SLC6A20: variants seen among roughly 807,000 people sequenced by gnomAD.
SLC6A20 encodes the protein solute carrier family 6 member 20.
Under a neutral mutation model 64.3 loss-of-function variants are expected in SLC6A20, and 73 were observed. That is an observed-to-expected ratio of 1.14 (90% CI 0.94 to 1.38). The LOEUF (loss-of-function observed/expected upper bound fraction) is 1.38. SLC6A20 is among the 40% of genes most tolerant of loss of function. The probability of loss-of-function intolerance (pLI) is 0.00; values close to 1 mark genes in which losing one functional copy is unlikely to be tolerated. For synonymous variants in SLC6A20, 347 were observed against 329.6 expected (o/e 1.05, Z -0.57); for missense variants, 725 against 772.8 (o/e 0.94, Z 0.73).
intron 2 of SLC6A20, 86 bp from the exon 3 acceptor site, chr3:45,780,186 T>A: frequency 7.4e-7 from 1 of 1,344,888 alleles, no homozygotes; most frequent in East Asian, 2.5e-5. Context: ...AGGACACACC[T>A]GTGGCGACCG....
chr3:45,776,128 CT>C, intron 3 of SLC6A20, 140 bp from the exon 4 acceptor site: 1 of 758,464 alleles, frequency 1.3e-6, no homozygotes, highest in Non-Finnish European at 2.2e-6. Context: ...GCTGGAGCCC[CT>C]GAAGGCAGAC....
Position 45,771,461 on chromosome 3 carries a change from G to T in SLC6A20, c.694-3C>A, listed in dbSNP as rs1210596797. On this transcript the variant is annotated splice_polypyrimidine_tract_variant and splice_region_variant and intron_variant, in intron 5 of 10. Coordinates refer to ENST00000358525, the MANE Select transcript of SLC6A20 (RefSeq NM_020208.4). ...TTGGGGTTGGCCAGCTGCTCTATCT[G>T]GAAGGCCAGCAGGGACAGGGCTGAT... The T allele has an allele frequency of 6.2e-7, 1 of 1,614,040 alleles. No homozygotes were observed. Among genetic ancestry groups the T allele is most frequent in the East Asian group, 2.2e-5 (1 of 44,882 alleles).
At chr3:45,790,135 G>A (rs1353666545) in intron 1 of SLC6A20, among the ~76,000 whole-genome samples, 1 of 152,046 alleles carries the variant, frequency 6.6e-6, no homozygotes, top group Non-Finnish European at 1.5e-5. Context: ...CCGAGTCAGT[G>A]CCTTTCATGG....
chr3:45,790,443 C>T (rs974728005), intron 1 of SLC6A20: 3 of 152,188 alleles, frequency 2.0e-5, no homozygotes, highest in Non-Finnish European at 4.4e-5. Flanking sequence ...TCCACCCCAG[C>T]GCCTTCCTTC....
chr3:45,758,632 A>G lies in SLC6A20; in HGVS notation c.*346T>C, dbSNP rs1699592148. ...GGTGTCTCTTCAGCCAAAAACAAAA[A>G]TTGCTTAAATTTGGTCCCATAAGAA... is the stretch of plus-strand genomic sequence containing the variant. On this transcript the variant is annotated 3_prime_UTR_variant, in exon 11 of 11. Transcript: ENST00000358525. The G allele has an allele frequency of 8.9e-7, 1 of 1,121,042 alleles. No individual in the cohort carries two copies. The highest frequency in any genetic ancestry group is 1.1e-6 in the Non-Finnish European group (1 of 912,012). 69.4% of individuals were successfully genotyped at this position (1,121,042 alleles called of 1,614,324 possible).
At chr3:45,770,550 G>A (rs960309644) in intron 6 of SLC6A20, among the ~76,000 whole-genome samples, 179 bp from the exon 7 acceptor site, 2 of 152,150 alleles carry the variant, frequency 1.3e-5, no homozygotes, top group African/African-American at 4.8e-5. Context: ...GAACAGTGAT[G>A]ACAACAGGCA....
rs903602969 is a variant in SLC6A20, at chr3:45,758,480, CAG to C, written c.*496_*497del. ...AGATTTAAAGGGTGGAAGGGGAACA[CAG>C]AAATTGCATATTCACTACAACTCAA... On this transcript the variant is annotated 3_prime_UTR_variant, in exon 11 of 11. Transcript: ENST00000358525. 1.6e-6 allele frequency: 2 copies of C among 1,234,824 alleles called. No homozygotes were observed. Among genetic ancestry groups the C allele is most frequent in the African/African-American group, 3.2e-5 (2 of 62,814 alleles). 76.5% of individuals were successfully genotyped at this position (1,234,824 alleles called of 1,614,324 possible).
At chr3:45,789,185 G>C (rs905769228) in intron 1 of SLC6A20, among the ~76,000 whole-genome samples, 1 of 152,100 alleles carries the variant, frequency 6.6e-6, no homozygotes, top group African/African-American at 2.4e-5. Context: ...GTGATAACTA[G>C]AGAAAATAAG....
intron 1 of SLC6A20, among the ~76,000 whole-genome samples, chr3:45,786,176 G>C (rs1248373010): frequency 6.6e-6 from 1 of 152,258 alleles, no homozygotes; most frequent in East Asian, 1.9e-4. Context: ...CCAAAAACAA[G>C]AACATTATCT....
At chr3:45,763,933 G>A (rs914225175) in intron 8 of SLC6A20, among the ~76,000 whole-genome samples, 9 of 152,210 alleles carry the variant, frequency 5.9e-5, no homozygotes, top group African/African-American at 2.4e-5. Flanking sequence ...TGAAGGCTAT[G>A]GGCACACCTA....
chr3:45,775,199 G>A (rs932587328), intron 4 of SLC6A20, among the ~76,000 whole-genome samples: 8 of 152,152 alleles, frequency 5.3e-5, no homozygotes, highest in Middle Eastern at 3.2e-3. Flanking sequence ...GAGGGTGATT[G>A]GAAGCAGCTT....
intron 8 of SLC6A20, among the ~76,000 whole-genome samples, chr3:45,763,315 T>C (rs1699718841): frequency 6.6e-6 from 1 of 152,132 alleles, no homozygotes; most frequent in Admixed American, 6.5e-5. Flanking sequence ...CTCACTGAGC[T>C]GCCCTGCAGG....
In SLC6A20 at chr3:45,772,611, A is replaced by C. The variant is rs902165950; in HGVS notation, c.587T>G (p.Val196Gly). 1 of 1,613,080 alleles carries C rather than the reference A, an allele frequency of 6.2e-7. No individual in the cohort carries two copies. The highest frequency in any genetic ancestry group is 1.3e-5 in the African/African-American group (1 of 75,036). Residue 196 changes from valine (V) to glycine (G), a missense_variant, in exon 5 of 11, where the codon GTG becomes GGG. Transcript: ENST00000358525. ...LRGTESTGKVVYFTASLPYCV... is the reference protein window; with the variant it reads ...LRGTESTGKVGYFTASLPYCV... Reference sequence around the variant, plus strand: ...ATAGGGCAGTGACGCCGTGAAATACACCACCTGCGGGCATCAGAGGGCAGA... The same window carrying C: ...ATAGGGCAGTGACGCCGTGAAATACCCCACCTGCGGGCATCAGAGGGCAGA...
intron 1 of SLC6A20, among the ~76,000 whole-genome samples, chr3:45,785,232 G>A (rs1452554419): frequency 3.9e-5 from 6 of 152,192 alleles, no homozygotes; most frequent in African/African-American, 1.4e-4. Context: ...GGTGGTAGTT[G>A]TGATGGCTAA....
At position 45,780,071 on chromosome 3, in the gene SLC6A20, G is replaced by A. The variant is rs1700046776; in HGVS notation, c.292C>T (p.Leu98Phe). The change falls in exon 3 of 11, where the codon CTC becomes TTC. Residue 98 changes from leucine (L) to phenylalanine (F), a missense_variant. By Grantham distance (22) the Leu-to-Phe change is conservative (BLOSUM62 0). Transcript: ENST00000358525. ...TTGATGACGTTGTAGTACATGGAGA[G>A]GAAGAAAGAGACCACCACGCTGGCG... is the stretch of plus-strand genomic sequence containing the variant. Reference protein sequence around the residue: ...GVASVVVSFFLSMYYNVINAW... With the variant: ...GVASVVVSFFFSMYYNVINAW... 1.2e-6 allele frequency: 2 copies of A among 1,601,934 alleles called. No homozygotes were observed. The highest frequency in any genetic ancestry group is 1.7e-6 in the Non-Finnish European group (2 of 1,174,078).
At chr3:45,790,221 A>AAAAC (rs543945030) in intron 1 of SLC6A20, 1 of 152,178 alleles carries the variant, frequency 6.6e-6, no homozygotes, top group Non-Finnish European at 1.5e-5. Flanking sequence ...AACAACAACA[A>AAAAC]AAACAAACAA....
intron 7 of SLC6A20, among the ~76,000 whole-genome samples, chr3:45,767,266 A>G (rs1352508372): frequency 6.6e-6 from 1 of 152,250 alleles, no homozygotes; most frequent in African/African-American, 2.4e-5. Context: ...TCTCTTGCCT[A>G]TGGCCACCAC....
At chr3:45,769,353 T>A (rs1206459678) in intron 7 of SLC6A20, among the ~76,000 whole-genome samples, 4 of 152,108 alleles carry the variant, frequency 2.6e-5, no homozygotes, top group Admixed American at 6.5e-5. Flanking sequence ...TCCCTAGATT[T>A]TTTTTTTCCA....
chr3:45,789,968 T>A (rs1462082529), intron 1 of SLC6A20, among the ~76,000 whole-genome samples: 1 of 152,212 alleles, frequency 6.6e-6, no homozygotes, highest in East Asian at 1.9e-4. Context: ...TTCTAGAGCA[T>A]GTTGTTGCTT....
Sources: gnomAD v4.1 joint callset for allele counts (sites outside exome capture counted in the v4.1 genomes callset) on GRCh38, gnomAD v4.1.1 for gene constraint, MANE v1.5 for transcripts, NCBI Gene and HGNC (gene_info 2026-07-23, HGNC 2026-07-21) for gene names.